Variants in USO1 observed in about 807,000 individuals in gnomAD.
The protein encoded by USO1 is USO1 vesicle transport factor, also known as general vesicular transport factor p115.
A neutral mutation model predicts 124.5 loss-of-function variants in USO1; 57 were observed. The ratio of observed to expected loss-of-function variants is 0.46; its 90% CI spans 0.37 to 0.57. The LOEUF is 0.57. USO1 is among the 20% of genes least tolerant of loss of function. The pLI, the probability that USO1 is intolerant of heterozygous loss-of-function variation, is 0.00. For synonymous variants in USO1, 369 were observed against 362.8 expected (o/e 1.02, Z -0.19); for missense variants, 900 against 1,040.6 (o/e 0.86, Z 1.86).
chr4:75,729,913 G>A (rs1720580469), intron 1 of USO1: 1 of 407,094 alleles, frequency 2.5e-6, no homozygotes. Flanking sequence ...TAAAGAGTGT[G>A]GACTTAAATT....
At chr4:75,810,150 G>A (rs759407420) in intron 21 of USO1, among the ~76,000 whole-genome samples, 3 of 152,188 alleles carry the variant, frequency 2.0e-5, no homozygotes, top group African/African-American at 7.2e-5. Context: ...CTGGGTTACA[G>A]TTACATTAGA....
chr4:75,724,987 G>C (rs1230386738), intron 1 of USO1, 102 bp downstream of exon 1: 1 of 1,342,056 alleles, frequency 7.5e-7, no homozygotes, highest in African/African-American at 1.5e-5. Flanking sequence ...CCACCATGGA[G>C]GGGGCATCCA....
At position 75,769,740 on chromosome 4, in the gene USO1, CT is replaced by C. The variant is rs34266261; in HGVS notation, c.296-683del. 6.1e-3 allele frequency among the ~76,000 whole-genome samples: 858 copies of C among 139,950 alleles called. 5 individuals are homozygous for C. The highest frequency in any genetic ancestry group is 0.019 in the African/African-American group (714 of 37,708). 91.8% of individuals were successfully genotyped at this position (139,950 alleles called of 152,430 possible). On this transcript the variant is annotated intron_variant, in intron 4 of 23. Transcript: ENST00000514213. ...AGTTGTTGCTTTCATTTTTAGTGAT[CT>C]TTTTTTTTTTTTTTTACATAGTACA... is the stretch of plus-strand genomic sequence containing the variant.
At chr4:75,775,989 G>A (rs894438532) in intron 8 of USO1, among the ~76,000 whole-genome samples, 2 of 152,188 alleles carry the variant, frequency 1.3e-5, no homozygotes, top group African/African-American at 4.8e-5. Context: ...GTATTAGACG[G>A]GTTGCTGTTG....
intron 3 of USO1, among the ~76,000 whole-genome samples, chr4:75,755,904 C>T (rs576755239): frequency 6.6e-6 from 1 of 152,280 alleles, no homozygotes; most frequent in East Asian, 1.9e-4. Context: ...GGCACGGTGG[C>T]TCATGCCTGT....
chr4:75,786,565 G>A (rs940628719), intron 9 of USO1, among the ~76,000 whole-genome samples: 4 of 152,108 alleles, frequency 2.6e-5, no homozygotes, highest in African/African-American at 9.7e-5. Context: ...AGCAATCAAT[G>A]CAGCCCACCC....
intron 21 of USO1, among the ~76,000 whole-genome samples, chr4:75,809,270 T>C (rs1368170000): frequency 6.6e-6 from 1 of 151,410 alleles, no homozygotes; most frequent in Admixed American, 6.6e-5. Context: ...ATAGTTTATT[T>C]TGCTGGTATT....
Position 75,800,857 on chromosome 4 carries a change from A to G in USO1, c.1864+58A>G, listed in dbSNP as rs116288143. The G allele has an allele frequency of 4.5e-6, 7 of 1,548,778 alleles. No homozygotes were observed. In the East Asian group the frequency reaches 7.3e-5, roughly 16 times the overall value. On this transcript the variant is annotated intron_variant, in intron 16 of 23. Transcript: ENST00000514213. ...GAAAGTAATTATATTTATATTGTACATGTATATTCTGGATGCATACAGGTT... is the reference window on the plus strand; with the variant it reads ...GAAAGTAATTATATTTATATTGTACGTGTATATTCTGGATGCATACAGGTT...
chr4:75,740,887 G>C (rs1370512800), intron 1 of USO1, among the ~76,000 whole-genome samples: 2 of 152,072 alleles, frequency 1.3e-5, no homozygotes, highest in East Asian at 1.9e-4. Context: ...GTAATCTCTA[G>C]TAAAGTTTGG....
At chr4:75,805,440 C>T in intron 19 of USO1, 137 bp downstream of exon 19, 24 of 1,266,436 alleles carry the variant, frequency 1.9e-5, no homozygotes, top group Non-Finnish European at 2.5e-5. Flanking sequence ...GGCACAGTGG[C>T]TTACGCCTGT....
intron 1 of USO1, among the ~76,000 whole-genome samples, chr4:75,740,322 CTG>C (rs1720923039): frequency 6.6e-6 from 1 of 152,186 alleles, no homozygotes; most frequent in Non-Finnish European, 1.5e-5. Context: ...GAGTCTCACT[CTG>C]TTACCCAGTC....
intron 3 of USO1, among the ~76,000 whole-genome samples, chr4:75,756,397 CA>C (rs2149158037): frequency 6.8e-6 from 1 of 147,892 alleles, no homozygotes; most frequent in South Asian, 2.1e-4. Context: ...AAATCACACG[CA>C]TATTTTATTA....
rs1281719453 is a variant in USO1, at chr4:75,808,855, G to T, written c.2377-98G>T. 5.2e-6 allele frequency: 7 copies of T among 1,335,818 alleles called. No homozygotes were observed. The African/African-American group carries it at 9.1e-5, about 17-fold the overall frequency. The allele number at this position is 1,335,818 out of a possible 1,614,324, so 82.7% of individuals were successfully genotyped here. ...CTTTAGAGTTAGATTTTAAAAGTAGGAGGTTGTAAATCATTTTTTTAAATG... is the reference window on the plus strand; with the variant it reads ...CTTTAGAGTTAGATTTTAAAAGTAGTAGGTTGTAAATCATTTTTTTAAATG... On this transcript the variant is annotated intron_variant, in intron 20 of 23. Coordinates refer to ENST00000514213, the MANE Select transcript of USO1 (RefSeq NM_003715.4).
At chr4:75,803,451 C>T (rs781086254) in intron 17 of USO1, among the ~76,000 whole-genome samples, 3 of 151,856 alleles carry the variant, frequency 2.0e-5, no homozygotes, top group Non-Finnish European at 4.4e-5. Flanking sequence ...AGTTTGAGAC[C>T]AGCCTGGCCA....
intron 4 of USO1, among the ~76,000 whole-genome samples, chr4:75,767,727 A>G (rs1165828765): frequency 2.0e-5 from 3 of 152,214 alleles, no homozygotes; most frequent in African/African-American, 4.8e-5. Context: ...CTATTGATCT[A>G]TGCATGGTAC....
intron 1 of USO1, among the ~76,000 whole-genome samples, chr4:75,737,427 C>T (rs185129580): frequency 2.2e-4 from 33 of 152,044 alleles, no homozygotes; most frequent in Non-Finnish European, 4.0e-4. Context: ...CTTTTTTCTT[C>T]GTGATTTCAT....
At chr4:75,737,932 A>G (rs188146582) in intron 1 of USO1, among the ~76,000 whole-genome samples, 28 of 151,776 alleles carry the variant, frequency 1.8e-4, no homozygotes, top group African/African-American at 5.8e-4. Context: ...GGTTCAAGCG[A>G]TTCTCCTGCC....
At chr4:75,760,283 C>G (rs768449567) in intron 4 of USO1, among the ~76,000 whole-genome samples, 6 of 152,182 alleles carry the variant, frequency 3.9e-5, no homozygotes, top group South Asian at 2.1e-4. Flanking sequence ...GTTATTGATA[C>G]TTTGCTTTTA....
chr4:75,790,702 G>A lies in USO1; in HGVS notation c.1145G>A (p.Arg382His), dbSNP rs773378481. 3 of 1,613,378 alleles carry A rather than the reference G, an allele frequency of 1.9e-6. No individual in the cohort carries two copies. The highest frequency in any genetic ancestry group is 2.2e-5 in the East Asian group (1 of 44,832). Residue 382 changes from arginine to histidine, a missense_variant, in exon 12 of 24, where the codon CGC (arginine) becomes CAC (histidine). This residue lies in a region of USO1 where 538 missense variants were observed against 681.6 expected (regional missense o/e 0.79). Transcript: ENST00000514213. Reference sequence around the variant, plus strand: ...AATGAAAGGCAGCCATTTGTTTTGCGCTGTGCTGTTCTCTATTGTTTCCAG... The same window carrying A: ...AATGAAAGGCAGCCATTTGTTTTGCACTGTGCTGTTCTCTATTGTTTCCAG... Reference protein sequence around the residue: ...MVNERQPFVLRCAVLYCFQCF... With the variant: ...MVNERQPFVLHCAVLYCFQCF...
Sources: allele counts gnomAD v4.1 joint callset (sites outside exome capture counted in the v4.1 genomes callset), GRCh38; gene constraint gnomAD v4.1.1; regional missense constraint gnomAD v4.1.1; transcripts MANE v1.5; gene names NCBI Gene and HGNC (gene_info 2026-07-23, HGNC 2026-07-21).